Variants in GRIA4 observed in about 807,000 individuals in gnomAD.
GRIA4 encodes glutamate ionotropic receptor AMPA type subunit 4.
In GRIA4, 34 loss-of-function variants were observed where a neutral mutation model predicts 104.0. The ratio of observed to expected loss-of-function variants is 0.33; its 90% CI spans 0.25 to 0.44. The LOEUF is 0.44. Among genes scored for constraint, GRIA4 ranks in the 20% least tolerant of loss-of-function variants. The pLI is 1.00. For missense variants in GRIA4, 750 were observed against 1,096.5 expected (o/e 0.68, Z 4.46); for synonymous variants, 386 against 381.9 (o/e 1.01, Z -0.13).
In GRIA4 at chr11:105,700,541, C is replaced by G. The variant is rs535926553; in HGVS notation, c.248-52440C>G. Among the ~76,000 whole-genome samples the G allele has an allele frequency of 7.2e-5, 11 of 152,308 alleles. 1 individual carries two copies. Among genetic ancestry groups the G allele is most frequent in the African/African-American group, 2.4e-4 (10 of 41,570 alleles). On this transcript the variant is annotated intron_variant, in intron 3 of 16. Transcript: ENST00000282499. ...GCTGGCAAACTTTCAATGAATCTAT[C>G]TAATCCTGCATTGCATCTTTTTTCT... is the stretch of plus-strand genomic sequence containing the variant.
At chr11:105,642,526 T>G (rs1591487927) in intron 3 of GRIA4, among the ~76,000 whole-genome samples, 1 of 111,632 alleles carries the variant, frequency 9.0e-6, no homozygotes, top group African/African-American at 3.4e-5. Context: ...ATCAACATTC[T>G]CAATTTTAAT....
At chr11:105,762,048 G>A (rs1378888802) in intron 4 of GRIA4, among the ~76,000 whole-genome samples, 1 of 150,916 alleles carries the variant, frequency 6.6e-6, no homozygotes, top group African/African-American at 2.4e-5. Flanking sequence ...TTTTGAGACG[G>A]AGTCTCACTC....
chr11:105,792,339 T>C (rs1430772463), intron 4 of GRIA4, among the ~76,000 whole-genome samples: 1 of 152,130 alleles, frequency 6.6e-6, no homozygotes, highest in Non-Finnish European at 1.5e-5. Flanking sequence ...ATAGTCAAAT[T>C]TGAAATTTAC....
chr11:105,709,838 T>A (rs1953848397), intron 3 of GRIA4, among the ~76,000 whole-genome samples: 1 of 152,044 alleles, frequency 6.6e-6, no homozygotes, highest in Admixed American at 6.6e-5. Flanking sequence ...AAATTGTGAA[T>A]CAACAGAATT....
At chr11:105,697,968 T>C (rs1304350821) in intron 3 of GRIA4, among the ~76,000 whole-genome samples, 2 of 152,128 alleles carry the variant, frequency 1.3e-5, no homozygotes, top group Non-Finnish European at 2.9e-5. Context: ...CTTTTCTTAT[T>C]TTCTTTTTCC....
At chr11:105,953,660 C>T (rs1420991164) in intron 14 of GRIA4, among the ~76,000 whole-genome samples, 1 of 151,756 alleles carries the variant, frequency 6.6e-6, no homozygotes, top group African/African-American at 2.4e-5. Flanking sequence ...TATATACATA[C>T]ATACACACAC....
At chr11:105,792,815 G>T (rs1942271272) in intron 4 of GRIA4, among the ~76,000 whole-genome samples, 1 of 152,100 alleles carries the variant, frequency 6.6e-6, no homozygotes, top group South Asian at 2.1e-4. Flanking sequence ...CTGGCTTATA[G>T]TTTAGAGCAG....
At chr11:105,979,088 G>A (rs1859141069) in intron 16 of GRIA4, among the ~76,000 whole-genome samples, 1 of 152,298 alleles carries the variant, frequency 6.6e-6, no homozygotes, top group South Asian at 2.1e-4. Flanking sequence ...AGTGTCTGTG[G>A]ATAGGTCTGT....
chr11:105,797,388 T>A (rs1942524949), intron 4 of GRIA4, among the ~76,000 whole-genome samples: 1 of 152,160 alleles, frequency 6.6e-6, no homozygotes, highest in Non-Finnish European at 1.5e-5. Flanking sequence ...GTGTAACTTC[T>A]ATAAAATCAA....
chr11:105,809,951 C>G (rs79422155), intron 4 of GRIA4, among the ~76,000 whole-genome samples: 2,979 of 152,182 alleles, frequency 0.02, 53 homozygotes, highest in East Asian at 0.054. Context: ...ACTACCTCCA[C>G]AAGATCATTT....
At chr11:105,796,205 AT>A (rs1181273497) in intron 4 of GRIA4, among the ~76,000 whole-genome samples, 4 of 152,128 alleles carry the variant, frequency 2.6e-5, no homozygotes, top group African/African-American at 4.8e-5. Flanking sequence ...CTTATCCATT[AT>A]CCTAAAATCA....
At chr11:105,895,135 A>C (rs1940965) in intron 6 of GRIA4, among the ~76,000 whole-genome samples, 12,331 of 152,004 alleles carry the variant, frequency 0.081, 731 homozygotes, top group Admixed American at 0.18. Flanking sequence ...AAAAATAAAC[A>C]AAACACTCTC....
intron 3 of GRIA4, among the ~76,000 whole-genome samples, chr11:105,727,451 T>A (rs1387610858): frequency 3.9e-5 from 6 of 152,160 alleles, no homozygotes; most frequent in African/African-American, 1.4e-4. Flanking sequence ...TGGAAAACAC[T>A]GTTCAGAATA....
intron 4 of GRIA4, among the ~76,000 whole-genome samples, chr11:105,791,047 G>A (rs905143736): frequency 1.9e-4 from 29 of 152,040 alleles, no homozygotes; most frequent in African/African-American, 7.0e-4. Flanking sequence ...TGATGAGCTC[G>A]GCTGATCCAT....
At chr11:105,903,201 G>T (rs1285360214) in intron 7 of GRIA4, among the ~76,000 whole-genome samples, 1 of 152,114 alleles carries the variant, frequency 6.6e-6, no homozygotes, top group Non-Finnish European at 1.5e-5. Context: ...GGTGTGGTGT[G>T]GCAATATCCA....
At chr11:105,972,326 T>A (rs1244471693) in intron 15 of GRIA4, among the ~76,000 whole-genome samples, 1 of 152,154 alleles carries the variant, frequency 6.6e-6, no homozygotes, top group African/African-American at 2.4e-5. Flanking sequence ...TTTTTTGGGG[T>A]AGTTTTTTTG....
intron 3 of GRIA4, among the ~76,000 whole-genome samples, chr11:105,732,983 C>T (rs1938697209): frequency 1.3e-5 from 2 of 152,174 alleles, no homozygotes; most frequent in Non-Finnish European, 2.9e-5. Context: ...GTCTAAATGT[C>T]CAAATTGTGT....
intron 3 of GRIA4, among the ~76,000 whole-genome samples, chr11:105,673,636 G>T (rs1952443823): frequency 6.6e-6 from 1 of 151,890 alleles, no homozygotes; most frequent in Non-Finnish European, 1.5e-5. Flanking sequence ...GCAATTTTAT[G>T]AATTATGACA....
Position 105,829,317 on chromosome 11 carries a change from A to C in GRIA4, c.488-32707A>C, listed in dbSNP as rs1943887819. Among the ~76,000 whole-genome samples the C allele has an allele frequency of 3.3e-5, 5 of 151,986 alleles. 1 individual carries two copies. Among genetic ancestry groups the C allele is most frequent in the Admixed American group, 3.3e-4 (5 of 15,232 alleles). On this transcript the variant is annotated intron_variant, in intron 4 of 16. Coordinates refer to ENST00000282499, the MANE Select transcript of GRIA4 (RefSeq NM_000829.4). ...CCCAACTTCCTGACAATGCAAGATCACTGACTAGCTCTTTAGCAGGAGTTA... is the reference window on the plus strand; with the variant it reads ...CCCAACTTCCTGACAATGCAAGATCCCTGACTAGCTCTTTAGCAGGAGTTA...
Sources: allele counts gnomAD v4.1 joint callset (sites outside exome capture counted in the v4.1 genomes callset), GRCh38; gene constraint gnomAD v4.1.1; transcripts MANE v1.5; gene names NCBI Gene and HGNC (gene_info 2026-07-23, HGNC 2026-07-21).